Variants in STK3 observed in about 807,000 individuals in gnomAD.
STK3 encodes the protein serine/threonine kinase 3, also known as serine/threonine-protein kinase 3.
STK3 carries 41 observed loss-of-function variants against 58.0 expected under a neutral mutation model. That is an observed-to-expected ratio of 0.71 (90% CI 0.55 to 0.92). The LOEUF (loss-of-function observed/expected upper bound fraction) is 0.92. Ranked by LOEUF, STK3 falls within the 40% of genes least tolerant of loss-of-function variation. The pLI, the probability that STK3 is intolerant of heterozygous loss-of-function variation, is 0.00. For missense variants in STK3, 479 were observed against 602.7 expected (o/e 0.79, Z 2.15); for synonymous variants, 170 against 191.0 (o/e 0.89, Z 0.91).
intron 3 of STK3, among the ~76,000 whole-genome samples, chr8:98,750,671 G>C (rs1177057720): frequency 6.6e-6 from 1 of 151,136 alleles, no homozygotes; most frequent in Non-Finnish European, 1.5e-5. Context: ...TCTAGCAGAT[G>C]TACAAAGAAG....
intron 10 of STK3, among the ~76,000 whole-genome samples, chr8:98,508,220 A>G (rs1824240277): frequency 6.6e-6 from 1 of 152,122 alleles, no homozygotes; most frequent in African/African-American, 2.4e-5. Flanking sequence ...CAAATATTTT[A>G]TTTCAGACTT....
chr8:98,882,063 G>A (rs1370459871), downstream of STK3: 1 of 152,072 alleles, frequency 6.6e-6, no homozygotes, highest in African/African-American at 2.4e-5. Flanking sequence ...ATTTCATGAT[G>A]ATTTGATAAT....
chr8:98,846,856 T>TACACACACACACACAC (rs374739035), intron 3 of STK3, among the ~76,000 whole-genome samples: 70 of 143,406 alleles, frequency 4.9e-4, no homozygotes, highest in African/African-American at 1.7e-3. Context: ...TTCAGGATCC[T>TACACACACACACACAC]ACACACACAC....
chr8:98,506,758 C>T (rs562379273), intron 10 of STK3, among the ~76,000 whole-genome samples: 2 of 152,164 alleles, frequency 1.3e-5, no homozygotes, highest in East Asian at 1.9e-4. Flanking sequence ...AAAGACTCAA[C>T]GAATGCAGCT....
intron 4 of STK3, among the ~76,000 whole-genome samples, chr8:98,745,670 C>A (rs996571344): frequency 1.3e-5 from 2 of 152,024 alleles, no homozygotes; most frequent in Non-Finnish European, 2.9e-5. Flanking sequence ...ATAAGCAGAG[C>A]AGACCTTTTG....
chr8:98,411,466 TC>T (rs1432368333), intron 3 of STK3, among the ~76,000 whole-genome samples: 1 of 152,226 alleles, frequency 6.6e-6, no homozygotes, highest in Admixed American at 6.5e-5. Flanking sequence ...CCTTTCTTCT[TC>T]CCCTATAGAG....
chr8:98,887,701 G>C (rs1033742279), intron 1 of STK3, among the ~76,000 whole-genome samples: 2 of 152,190 alleles, frequency 1.3e-5, no homozygotes, highest in African/African-American at 4.8e-5. Context: ...GAAAATAGAT[G>C]TACATGAGAT....
At chr8:98,570,809 A>G (rs185984750) in intron 8 of STK3, among the ~76,000 whole-genome samples, 45 of 152,358 alleles carry the variant, frequency 3.0e-4, no homozygotes, top group African/African-American at 1.1e-3. Flanking sequence ...ATATCCTCAT[A>G]ACAACTCTAT....
At chr8:98,669,235 T>G (rs1822615981) in intron 6 of STK3, among the ~76,000 whole-genome samples, 1 of 152,144 alleles carries the variant, frequency 6.6e-6, no homozygotes, top group Non-Finnish European at 1.5e-5. Flanking sequence ...GACATCATGA[T>G]CCACCCACCT....
At chr8:98,347,308 A>G in the STK3 span, among the ~76,000 whole-genome samples, 1 of 151,990 alleles carries the variant, frequency 6.6e-6, no homozygotes, top group Admixed American at 6.5e-5. Context: ...AGGTCAGGAG[A>G]TCAAGACCAT....
chr8:98,849,030 TC>T (rs1399269020), intron 3 of STK3, among the ~76,000 whole-genome samples: 1 of 151,788 alleles, frequency 6.6e-6, no homozygotes, highest in Non-Finnish European at 1.5e-5. Context: ...TTCGAGACCA[TC>T]CTGGCTAACA....
chr8:98,658,571 C>T (rs1019618414), intron 6 of STK3, among the ~76,000 whole-genome samples: 3 of 151,946 alleles, frequency 2.0e-5, no homozygotes. Context: ...CTGTTAACTA[C>T]CTCATTTTTC....
chr8:98,686,115 C>T (rs1036650007), intron 6 of STK3, among the ~76,000 whole-genome samples: 1 of 152,116 alleles, frequency 6.6e-6, no homozygotes, highest in African/African-American at 2.4e-5. Context: ...CTAGTTATCA[C>T]TGAACTATAA....
At chr8:98,890,794 G>A (rs1337642786) in intron 1 of STK3, among the ~76,000 whole-genome samples, 1 of 152,148 alleles carries the variant, frequency 6.6e-6, no homozygotes, top group South Asian at 2.1e-4. Context: ...TTAGGCCAGG[G>A]TTCATGACAA....
At chr8:98,623,714 G>A (rs146349959) in intron 6 of STK3, among the ~76,000 whole-genome samples, 3,122 of 152,232 alleles carry the variant, frequency 0.021, 45 homozygotes, top group Non-Finnish European at 0.032. Flanking sequence ...AGCTCAGGAG[G>A]TCGCGGCTGC....
intron 6 of STK3, among the ~76,000 whole-genome samples, chr8:98,636,534 A>G (rs998568081): frequency 6.6e-6 from 1 of 152,190 alleles, no homozygotes; most frequent in African/African-American, 2.4e-5. Flanking sequence ...CAAACATTAA[A>G]TTAAAAATCA....
chr8:98,621,142 G>A (rs1025391162), intron 6 of STK3, among the ~76,000 whole-genome samples: 4 of 152,122 alleles, frequency 2.6e-5, no homozygotes, highest in East Asian at 1.9e-4. Flanking sequence ...TGTATTCACC[G>A]TTTTAGCCGG....
At chr8:98,855,778 T>C (rs1197186562) in intron 3 of STK3, among the ~76,000 whole-genome samples, 1 of 152,032 alleles carries the variant, frequency 6.6e-6, no homozygotes, top group African/African-American at 2.4e-5. Flanking sequence ...CTCACCACTT[T>C]GGGAGGTTGA....
At chr8:98,909,335 A>G (rs187984269) in intron 1 of STK3, among the ~76,000 whole-genome samples, 1 of 152,320 alleles carries the variant, frequency 6.6e-6, no homozygotes, top group East Asian at 1.9e-4. Flanking sequence ...TTATCGACAG[A>G]TGTTGAATTT....
Sources: gnomAD v4.1 joint callset for allele counts (sites outside exome capture counted in the v4.1 genomes callset) on GRCh38, gnomAD v4.1.1 for gene constraint, MANE v1.5 for transcripts, NCBI Gene and HGNC (gene_info 2026-07-23, HGNC 2026-07-21) for gene names.